THSD7B: variants seen among roughly 807,000 people sequenced by gnomAD.
THSD7B encodes thrombospondin type 1 domain containing 7B.
THSD7B carries 138 observed loss-of-function variants against 213.6 expected under a neutral mutation model. That is an observed-to-expected ratio of 0.65 (90% confidence interval 0.56 to 0.74). THSD7B has a LOEUF of 0.74. THSD7B is among the 30% of genes least tolerant of loss of function. THSD7B has a pLI of 0.00. For synonymous variants in THSD7B, 742 were observed against 687.0 expected, an observed-to-expected ratio of 1.08 and a Z score of -1.25; for missense variants, 1,931 against 1,991.5, an observed-to-expected ratio of 0.97 and a Z score of 0.58.
At chr2:136,850,702 C>G (rs1573668643) in intron 1 of THSD7B, among the ~76,000 whole-genome samples, 1 of 151,616 alleles carries the variant, frequency 6.6e-6, no homozygotes, top group African/African-American at 2.4e-5. Flanking sequence ...TAGTTTCTAC[C>G]TATTTTTAAG....
chr2:136,818,225 T>G (rs1345331657), intron 1 of THSD7B, among the ~76,000 whole-genome samples: 4 of 148,146 alleles, frequency 2.7e-5, no homozygotes, highest in African/African-American at 5.0e-5. Context: ...CCATAAAAAA[T>G]GATGAGTTCA....
intron 12 of THSD7B, among the ~76,000 whole-genome samples, chr2:137,341,846 A>G (rs1174395104): frequency 6.6e-6 from 1 of 151,688 alleles, no homozygotes; most frequent in Non-Finnish European, 1.5e-5. Context: ...TTTTTCTGCC[A>G]GAAGCATTCT....
intron 21 of THSD7B, among the ~76,000 whole-genome samples, chr2:137,648,071 A>C (rs879309718): frequency 1.3e-5 from 2 of 152,104 alleles, no homozygotes; most frequent in Non-Finnish European, 2.9e-5. Context: ...TGCCTGACAA[A>C]ATTTTATTTT....
chr2:137,665,739 A>G (rs1017055743), intron 26 of THSD7B, among the ~76,000 whole-genome samples: 2 of 152,166 alleles, frequency 1.3e-5, no homozygotes, highest in Admixed American at 1.3e-4. Flanking sequence ...AAAACAATAT[A>G]AATGCCCACA....
At chr2:136,913,083 G>T (rs1684294318) in intron 2 of THSD7B, among the ~76,000 whole-genome samples, 1 of 152,158 alleles carries the variant, frequency 6.6e-6, no homozygotes, top group Non-Finnish European at 1.5e-5. Context: ...ATAGTGATAT[G>T]GACAACAAAA....
At position 137,405,816 on chromosome 2, in the gene THSD7B, T is replaced by C. The variant is rs1353704197; in HGVS notation, c.2695+9T>C. 1.2e-6 allele frequency: 2 copies of C among 1,600,698 alleles called. No homozygotes were observed. Among genetic ancestry groups the C allele is most frequent in the Non-Finnish European group, 1.7e-6 (2 of 1,173,934 alleles). ...GCGGCGACAGCTCACAGGTATAGTG[T>C]GCATTTTACTCTTTAGCATCAGGCA... On this transcript the variant is annotated intron_variant, in intron 13 of 27. Transcript: ENST00000409968.
intron 1 of THSD7B, among the ~76,000 whole-genome samples, chr2:136,840,937 G>A (rs1682910907): frequency 6.6e-6 from 1 of 152,148 alleles, no homozygotes; most frequent in African/African-American, 2.4e-5. Context: ...GGTTTGATTG[G>A]ATAGTTGGTG....
chr2:137,538,474 T>C (rs534902495), intron 15 of THSD7B: 7 of 517,670 alleles, frequency 1.4e-5, no homozygotes, highest in Admixed American at 2.0e-5. Flanking sequence ...ACTGCTAACA[T>C]GGACTTCTAC....
chr2:137,144,393 TTATG>T (rs550554092), intron 5 of THSD7B, among the ~76,000 whole-genome samples: 21 of 152,132 alleles, frequency 1.4e-4, no homozygotes, highest in Non-Finnish European at 2.8e-4. Context: ...ACTAATTTAT[TTATG>T]TGTTTATTCA....
intron 12 of THSD7B, among the ~76,000 whole-genome samples, chr2:137,396,175 C>T (rs1686181201): frequency 7.0e-6 from 1 of 143,104 alleles, no homozygotes. Flanking sequence ...CAGTTCTGCT[C>T]TGATTTTAGT....
chr2:137,405,519 T>C, intron 12 of THSD7B, 94 bp from the exon 13 acceptor site: 2 of 1,269,030 alleles, frequency 1.6e-6, no homozygotes, highest in Non-Finnish European at 2.1e-6. Flanking sequence ...AGCCCAAGTT[T>C]TTAAACATTG....
rs187849099 is a variant in THSD7B at position 136,990,484 on chromosome 2, G to C, written c.140-65936G>C. Among the ~76,000 whole-genome samples, 14 of 152,294 alleles carry C rather than the reference G, an allele frequency of 9.2e-5. No individual in the cohort carries two copies. The East Asian group carries it at 2.1e-3, about 23-fold the overall frequency. ...ACAGCAGATGGACAGAACTGTAGGG[G>C]GGGGACCATGCCAGGCAGGGAGCAG... On this transcript the variant is annotated intron_variant, in intron 2 of 27. Coordinates refer to ENST00000409968, the MANE Select transcript of THSD7B (RefSeq NM_001316349.2).
chr2:137,416,591 C>T (rs944918006), intron 14 of THSD7B, among the ~76,000 whole-genome samples: 3 of 152,208 alleles, frequency 2.0e-5, no homozygotes, highest in Non-Finnish European at 4.4e-5. Context: ...TCTGGCCCCA[C>T]ACAGGCTCTC....
chr2:137,512,627 C>G (rs1205495738), intron 15 of THSD7B, among the ~76,000 whole-genome samples: 36 of 151,954 alleles, frequency 2.4e-4, no homozygotes. Flanking sequence ...CTCTTGAGCT[C>G]AAGTGATCTG....
chr2:137,442,677 A>T (rs986148857), intron 14 of THSD7B, among the ~76,000 whole-genome samples: 1 of 152,128 alleles, frequency 6.6e-6, no homozygotes, highest in Non-Finnish European at 1.5e-5. Context: ...CTCACATTTT[A>T]TTGGCTAAAA....
chr2:137,575,558 C>G (rs1301300418), intron 17 of THSD7B, among the ~76,000 whole-genome samples: 1 of 151,776 alleles, frequency 6.6e-6, no homozygotes, highest in Non-Finnish European at 1.5e-5. Context: ...ACAAATAAGA[C>G]AAAGGCATTA....
At chr2:136,868,221 A>G (rs1051196423) in intron 1 of THSD7B, among the ~76,000 whole-genome samples, 1 of 152,190 alleles carries the variant, frequency 6.6e-6, no homozygotes, top group Non-Finnish European at 1.5e-5. Flanking sequence ...CTTGGAATTT[A>G]TACAGGGAAA....
At chr2:137,105,208 C>A (rs1368014807) in intron 4 of THSD7B, among the ~76,000 whole-genome samples, 1 of 152,166 alleles carries the variant, frequency 6.6e-6, no homozygotes, top group Non-Finnish European at 1.5e-5. Context: ...GTTTATTCAC[C>A]ATGATCAAGT....
chr2:137,351,680 G>T (rs917820000), intron 12 of THSD7B, among the ~76,000 whole-genome samples: 12 of 151,892 alleles, frequency 7.9e-5, no homozygotes, highest in Non-Finnish European at 1.5e-4. Flanking sequence ...TTCAACATGA[G>T]GCACTGATCA....
Sources: gnomAD v4.1 joint callset for allele counts (sites outside exome capture counted in the v4.1 genomes callset) on GRCh38, gnomAD v4.1.1 for gene constraint, MANE v1.5 for transcripts, NCBI Gene and HGNC (gene_info 2026-07-23, HGNC 2026-07-21) for gene names.